MACROD2: variants seen among roughly 807,000 people sequenced by gnomAD.
The protein encoded by MACROD2 is ADP-ribose glycohydrolase MACROD2.
MACROD2 carries 36 observed loss-of-function variants against 70.4 expected under a neutral mutation model. The observed-to-expected ratio is 0.51, with a 90% CI of 0.39 to 0.68. The LOEUF is 0.68. MACROD2 is among the 30% of genes least tolerant of loss of function. MACROD2 has a pLI of 0.00. For missense variants in MACROD2, 496 were observed against 538.4 expected (o/e 0.92, Z 0.78); for synonymous variants, 172 against 178.8 (o/e 0.96, Z 0.30).
intron 5 of MACROD2, among the ~76,000 whole-genome samples, chr20:14,983,087 T>A (rs1167898009): frequency 6.6e-6 from 1 of 152,114 alleles, no homozygotes; most frequent in African/African-American, 2.4e-5. Context: ...TCAAAGGAGA[T>A]CATTTTGGAG....
chr20:14,859,637 T>G (rs940240584), intron 5 of MACROD2, among the ~76,000 whole-genome samples: 1 of 152,182 alleles, frequency 6.6e-6, no homozygotes, highest in Non-Finnish European at 1.5e-5. Flanking sequence ...TTTAAACCAT[T>G]GACAACTTTA....
chr20:15,324,077 C>T (rs1039753683), intron 6 of MACROD2, among the ~76,000 whole-genome samples: 4 of 152,076 alleles, frequency 2.6e-5, no homozygotes, highest in African/African-American at 9.7e-5. Context: ...CCAGGAAATA[C>T]TTGCCCCATT....
At chr20:14,696,511 C>T (rs1354505808) in intron 5 of MACROD2, among the ~76,000 whole-genome samples, 1 of 151,950 alleles carries the variant, frequency 6.6e-6, no homozygotes, top group Non-Finnish European at 1.5e-5. Flanking sequence ...GGTGTGTTTC[C>T]CATTAGCTGT....
At chr20:15,358,886 C>A (rs574912393) in intron 6 of MACROD2, among the ~76,000 whole-genome samples, 1 of 152,176 alleles carries the variant, frequency 6.6e-6, no homozygotes, top group South Asian at 2.1e-4. Flanking sequence ...CTAATTACCT[C>A]CCGAAGGCCC....
intron 6 of MACROD2, among the ~76,000 whole-genome samples, chr20:15,398,514 A>G (rs901248504): frequency 6.6e-6 from 1 of 152,176 alleles, no homozygotes. Context: ...GGAAGAAGAT[A>G]CTGCTCATCT....
chr20:15,449,795 C>A (rs2046616328), intron 7 of MACROD2, among the ~76,000 whole-genome samples: 1 of 152,066 alleles, frequency 6.6e-6, no homozygotes, highest in African/African-American at 2.4e-5. Context: ...GAGTTTGAGA[C>A]CAGCCTGACC....
At chr20:15,217,671 A>G (rs1001946177) in intron 5 of MACROD2, among the ~76,000 whole-genome samples, 4 of 152,098 alleles carry the variant, frequency 2.6e-5, no homozygotes, top group South Asian at 2.1e-4. Context: ...TCTCAACCAC[A>G]ACCCCATTTC....
intron 5 of MACROD2, among the ~76,000 whole-genome samples, chr20:14,729,167 G>T (rs2071564141): frequency 6.6e-6 from 1 of 152,026 alleles, no homozygotes; most frequent in South Asian, 2.1e-4. Context: ...AAAACTATAT[G>T]AATTTCATCT....
At chr20:15,943,564 T>C (rs2147346326) in intron 12 of MACROD2, among the ~76,000 whole-genome samples, 1 of 152,210 alleles carries the variant, frequency 6.6e-6, no homozygotes, top group East Asian at 1.9e-4. Flanking sequence ...TCTGCTAGTA[T>C]ACTGAAGGGG....
chr20:15,403,376 G>T (rs1329198391), intron 6 of MACROD2, among the ~76,000 whole-genome samples: 1 of 152,072 alleles, frequency 6.6e-6, no homozygotes, highest in Non-Finnish European at 1.5e-5. Context: ...GTGTGTTTGT[G>T]TAGGTCTGTG....
chr20:14,135,368 T>C (rs2054780909), intron 3 of MACROD2, among the ~76,000 whole-genome samples: 1 of 152,018 alleles, frequency 6.6e-6, no homozygotes, highest in Non-Finnish European at 1.5e-5. Context: ...TCAGTGTAAT[T>C]AATCATATTA....
intron 4 of MACROD2, among the ~76,000 whole-genome samples, chr20:14,553,313 G>A (rs147881810): frequency 6.5e-4 from 98 of 151,326 alleles, no homozygotes; most frequent in Middle Eastern, 3.5e-3. Context: ...TGTCTTCAGG[G>A]CCAATACATG....
intron 8 of MACROD2, among the ~76,000 whole-genome samples, chr20:15,522,713 G>A (rs370559209): frequency 3.9e-5 from 6 of 152,156 alleles, no homozygotes; most frequent in East Asian, 1.9e-4. Context: ...AGTAGGGTTG[G>A]AAAAATAAAT....
chr20:15,109,367 G>C (rs1329797414), intron 5 of MACROD2, among the ~76,000 whole-genome samples: 1 of 152,108 alleles, frequency 6.6e-6, no homozygotes, highest in East Asian at 1.9e-4. Flanking sequence ...AATATACTAA[G>C]AGATTTTAAT....
chr20:15,905,991 C>A (rs2065141783), intron 10 of MACROD2, among the ~76,000 whole-genome samples: 1 of 152,220 alleles, frequency 6.6e-6, no homozygotes, highest in Admixed American at 6.5e-5. Context: ...GCTAGCAGAA[C>A]CACTTGAATC....
chr20:15,096,878 C>T (rs948474004), intron 5 of MACROD2, among the ~76,000 whole-genome samples: 10 of 135,252 alleles, frequency 7.4e-5, no homozygotes, highest in African/African-American at 2.9e-4. Context: ...GTGGCGTGAT[C>T]TTGGCTCACT....
chr20:14,420,784 T>C (rs774926692), intron 3 of MACROD2, among the ~76,000 whole-genome samples: 1 of 152,158 alleles, frequency 6.6e-6, no homozygotes, highest in Admixed American at 6.5e-5. Context: ...CCTCAACTCC[T>C]AGGCTCAAGC....
At chr20:14,922,874 G>A (rs6131624) in intron 5 of MACROD2, among the ~76,000 whole-genome samples, 11,306 of 152,120 alleles carry the variant, frequency 0.074, 590 homozygotes, top group East Asian at 0.25. Context: ...TGAGCATATG[G>A]TTCAGGAACA....
chr20:14,727,267 A>G (rs2071541062), intron 5 of MACROD2, among the ~76,000 whole-genome samples: 1 of 152,184 alleles, frequency 6.6e-6, no homozygotes, highest in Non-Finnish European at 1.5e-5. Flanking sequence ...GCAGTGGCTC[A>G]TGCCTGTAAA....
Sources: gnomAD v4.1 joint callset for allele counts (sites outside exome capture counted in the v4.1 genomes callset) on GRCh38, gnomAD v4.1.1 for gene constraint, MANE v1.5 for transcripts, NCBI Gene and HGNC (gene_info 2026-07-23, HGNC 2026-07-21) for gene names.